ZMYND11: variants seen among roughly 807,000 people sequenced by gnomAD.
The protein encoded by ZMYND11 is zinc finger MYND-type containing 11, also known as zinc finger MYND domain-containing protein 11.
A neutral mutation model predicts 84.9 loss-of-function variants in ZMYND11; 9 were observed. The observed-to-expected ratio is 0.11, with a 90% CI of 0.06 to 0.18. The LOEUF is 0.18. ZMYND11 is among the 10% of genes least tolerant of loss of function. ZMYND11 has a pLI of 1.00. For missense variants in ZMYND11, 409 were observed against 761.0 expected, an observed-to-expected ratio of 0.54 and a Z score of 5.44; for synonymous variants, 250 against 244.1, an observed-to-expected ratio of 1.02 and a Z score of -0.23.
At chr10:173,864 A>G (rs1554766329) in intron 1 of ZMYND11, among the ~76,000 whole-genome samples, 5 of 152,234 alleles carry the variant, frequency 3.3e-5, no homozygotes. Context: ...GTATTACCAC[A>G]TACTTATAAG....
intron 10 of ZMYND11, among the ~76,000 whole-genome samples, chr10:243,732 G>T (rs1036719711): frequency 1.3e-5 from 2 of 152,170 alleles, no homozygotes; most frequent in African/African-American, 4.8e-5. Flanking sequence ...ATGCGTGGTG[G>T]TGTGTGCCTG....
chr10:192,872 C>T (rs1940806142), intron 2 of ZMYND11, among the ~76,000 whole-genome samples: 1 of 152,074 alleles, frequency 6.6e-6, no homozygotes, highest in East Asian at 1.9e-4. Context: ...GCTTGTTTTC[C>T]ACTGGGATAT....
Position 180,111 on chromosome 10 carries a change from C to A in ZMYND11, c.99C>A (p.Asn33Lys). 1 of 1,612,040 alleles carries A rather than the reference C, an allele frequency of 6.2e-7. No individual in the cohort carries two copies. The highest frequency in any genetic ancestry group is 8.5e-7 in the Non-Finnish European group (1 of 1,178,440). The change falls in exon 2 of 15, where the codon AAC becomes AAA. Residue 33 changes from asparagine (N) to lysine (K), a missense_variant. By Grantham distance (94) the Asn-to-Lys change is moderately conservative (BLOSUM62 0). This residue lies in a region of ZMYND11 where 73 missense variants were observed against 185.8 expected (regional missense o/e 0.39). Coordinates refer to ENST00000381604, the MANE Select transcript of ZMYND11 (RefSeq NM_001370100.5). ...TACGGAACCAGAAGCAGATTGCCAA[C>A]ATTGACCGTATTACAAAGTAAGTAA... The part of the protein sequence containing the change: ...EIIRNQKQIA[N>K]IDRITKYMSR...
chr10:167,482 A>G (rs9419435), intron 1 of ZMYND11, among the ~76,000 whole-genome samples: 141,331 of 152,182 alleles, frequency 0.93, 65,981 homozygotes, highest in Non-Finnish European at 0.98. Flanking sequence ...GTAATTAAAA[A>G]ATTTTTTAAA....
intron 3 of ZMYND11, among the ~76,000 whole-genome samples, chr10:220,422 C>A (rs911948434): frequency 4.6e-5 from 7 of 151,942 alleles, no homozygotes; most frequent in African/African-American, 1.7e-4. Context: ...GCTTTGTATA[C>A]TTAAAGGGTA....
intron 14 of ZMYND11, 130 bp downstream of exon 14, chr10:249,218 G>A: frequency 6.7e-7 from 1 of 1,491,448 alleles, no homozygotes; most frequent in Non-Finnish European, 8.9e-7. Context: ...GAAATGGTCA[G>A]CTTTAGTTTT....
chr10:221,544 GA>G (rs1947139381), intron 4 of ZMYND11, among the ~76,000 whole-genome samples, 188 bp downstream of exon 4: 1 of 152,180 alleles, frequency 6.6e-6, no homozygotes, highest in South Asian at 2.1e-4. Context: ...TCAGGGTGTG[GA>G]TTTTAGAAAG....
chr10:163,381 AT>A (rs1554762631), intron 1 of ZMYND11, among the ~76,000 whole-genome samples: 1 of 151,410 alleles, frequency 6.6e-6, no homozygotes, highest in Non-Finnish European at 1.5e-5. Context: ...TTCTTGAATA[AT>A]TTTTTCCTTC....
chr10:246,824 G>A lies in ZMYND11; in HGVS notation c.1009G>A (p.Val337Met). Residue 337 changes from valine (V) to methionine (M), a missense_variant, in exon 11 of 15, where the codon GTG (valine) becomes ATG (methionine). Val to Met is a conservative substitution (Grantham distance 21, BLOSUM62 1). Around this residue, in one of 7 missense-constraint regions of ZMYND11, gnomAD observed 48 missense variants for 61.1 expected, o/e 0.79. Transcript: ENST00000381604. ...DITVNIHRLHVKRSMGWKKAC... is the reference protein window; with the variant it reads ...DITVNIHRLHMKRSMGWKKAC... ...CACAGTCAACATTCATCGGCTGCAC[G>A]TGAAGCGCAGTATGGGTTGGAAAAA... The A allele has an allele frequency of 1.2e-6, 2 of 1,614,116 alleles. No individual in the cohort carries two copies. Among genetic ancestry groups the A allele is most frequent in the Non-Finnish European group, 8.5e-7 (1 of 1,180,036 alleles).
chr10:145,509 T>C (rs1838608552), intron 1 of ZMYND11, among the ~76,000 whole-genome samples: 2 of 152,172 alleles, frequency 1.3e-5, no homozygotes, highest in African/African-American at 4.8e-5. Flanking sequence ...TTTACATTAC[T>C]ATACATTCTC....
rs534788937 is a variant in ZMYND11 at position 170,531 on chromosome 10, C to T, written c.-19-9463C>T. ...GAATGACAGTTTGTAAGTGAAATGG[C>T]ACAAGGGACTAGAGGGAAGAATTCA... is the stretch of plus-strand genomic sequence containing the variant. On this transcript the variant is annotated intron_variant, in intron 1 of 14. Transcript: ENST00000381604. Among the ~76,000 whole-genome samples, 12 of 151,854 alleles carry T rather than the reference C, an allele frequency of 7.9e-5. No homozygotes were observed. In the South Asian group the frequency reaches 2.5e-3, roughly 32 times the overall value.
chr10:153,112 A>G (rs1840815611), intron 1 of ZMYND11, among the ~76,000 whole-genome samples: 1 of 152,188 alleles, frequency 6.6e-6, no homozygotes, highest in South Asian at 2.1e-4. Context: ...GTACTGATGT[A>G]CTGATATGTT....
intron 4 of ZMYND11, among the ~76,000 whole-genome samples, chr10:233,249 C>T (rs1282447171): frequency 6.6e-6 from 1 of 152,184 alleles, no homozygotes; most frequent in African/African-American, 2.4e-5. Context: ...CTGACATGCA[C>T]AAGTCTTAGC....
At position 240,434 on chromosome 10, in the gene ZMYND11, G is replaced by A. The variant is rs3781242; in HGVS notation, c.753+323G>A. Among the ~76,000 whole-genome samples, 27 of 152,316 alleles carry A rather than the reference G, an allele frequency of 1.8e-4. No individual in the cohort carries two copies. The East Asian group carries it at 5.0e-3, about 28-fold the overall frequency. On this transcript the variant is annotated intron_variant, in intron 8 of 14. Transcript: ENST00000381604. ...CAGGAGAATCGCTTGAACGTGGAAG[G>A]TGGAGGTTGCAGTGAGCCAAGATTG...
intron 1 of ZMYND11, among the ~76,000 whole-genome samples, chr10:160,548 A>C (rs1187947013): frequency 6.6e-6 from 1 of 152,128 alleles, no homozygotes; most frequent in Non-Finnish European, 1.5e-5. Flanking sequence ...GTCATTTGTC[A>C]TGCTGTTTGG....
At chr10:158,228 G>GTGTA (rs1564286452) in intron 1 of ZMYND11, among the ~76,000 whole-genome samples, 4 of 151,962 alleles carry the variant, frequency 2.6e-5, no homozygotes, top group South Asian at 2.1e-4. Context: ...CAGTTCTTTC[G>GTGTA]TGTATATATG....
chr10:221,395 T>G, intron 4 of ZMYND11, 39 bp downstream of exon 4: 1 of 1,592,330 alleles, frequency 6.3e-7, no homozygotes, highest in Non-Finnish European at 8.5e-7. Flanking sequence ...GTTAGAGGGT[T>G]GGAATTAATT....
chr10:168,402 G>C (rs958652762), intron 1 of ZMYND11, among the ~76,000 whole-genome samples: 1 of 151,996 alleles, frequency 6.6e-6, no homozygotes, highest in African/African-American at 2.4e-5. Context: ...CCTGAGCCCA[G>C]GAGAATGGAG....
At chr10:203,918 A>G (rs1239746392) in intron 2 of ZMYND11, among the ~76,000 whole-genome samples, 1 of 152,196 alleles carries the variant, frequency 6.6e-6, no homozygotes, top group Non-Finnish European at 1.5e-5. Context: ...AGCTTATGTC[A>G]TCTTAACACC....
Sources: gnomAD v4.1 joint callset for allele counts (sites outside exome capture counted in the v4.1 genomes callset) on GRCh38, gnomAD v4.1.1 for gene constraint, gnomAD v4.1.1 regional missense constraint, MANE v1.5 for transcripts, NCBI Gene and HGNC (gene_info 2026-07-23, HGNC 2026-07-21) for gene names.